Variants in RPS6KC1 observed in about 807,000 individuals in gnomAD.
RPS6KC1 encodes the protein ribosomal protein S6 kinase C1.
A neutral mutation model predicts 103.8 loss-of-function variants in RPS6KC1; 54 were observed. The ratio of observed to expected loss-of-function variants is 0.52; its 90% CI spans 0.42 to 0.65. The LOEUF is 0.65. Ranked by LOEUF, RPS6KC1 falls within the 30% of genes least tolerant of loss-of-function variation. The pLI is 0.00. For synonymous variants in RPS6KC1, 439 were observed against 438.7 expected (o/e 1.00, Z -0.01); for missense variants, 1,151 against 1,253.8 (o/e 0.92, Z 1.24).
the RPS6KC1 span, among the ~76,000 whole-genome samples, chr1:213,327,178 G>T: frequency 6.6e-6 from 1 of 151,256 alleles, no homozygotes; most frequent in Non-Finnish European, 1.5e-5. Flanking sequence ...GGGGGTGTGA[G>T]CCCTAGACTG....
At chr1:213,819,031 A>C in the RPS6KC1 span, 1 of 152,198 alleles carries the variant, frequency 6.6e-6, no homozygotes, top group Admixed American at 6.5e-5. Context: ...AATACCAAAT[A>C]CATTTGTTGA....
At chr1:213,155,029 G>A (rs2089707206) in intron 6 of RPS6KC1, among the ~76,000 whole-genome samples, 1 of 152,196 alleles carries the variant, frequency 6.6e-6, no homozygotes, top group Non-Finnish European at 1.5e-5. Flanking sequence ...TTCTGGCTCA[G>A]GGTGTGTATA....
the RPS6KC1 span, among the ~76,000 whole-genome samples, chr1:213,723,041 A>G: frequency 1.3e-5 from 2 of 152,102 alleles, no homozygotes; most frequent in South Asian, 4.1e-4. Context: ...TTAGCCAGGC[A>G]TGGTGGCAGG....
At chr1:213,240,632 C>A in intron 10 of RPS6KC1, 70 bp from the exon 11 acceptor site, 1 of 1,330,230 alleles carries the variant, frequency 7.5e-7, no homozygotes, top group Non-Finnish European at 1.0e-6. Context: ...TTTTGTTTTT[C>A]TAATGGCTTA....
At chr1:213,602,295 C>G in the RPS6KC1 span, among the ~76,000 whole-genome samples, 1 of 141,830 alleles carries the variant, frequency 7.1e-6, no homozygotes, top group Admixed American at 7.3e-5. Context: ...CGCTCTGTCA[C>G]CCAGGCTGGC....
chr1:213,699,654 A>G, the RPS6KC1 span, among the ~76,000 whole-genome samples: 2 of 152,058 alleles, frequency 1.3e-5, no homozygotes, highest in Non-Finnish European at 2.9e-5. Context: ...ACTAATTTAC[A>G]TTTCCACCAA....
At chr1:213,599,749 T>C in the RPS6KC1 span, among the ~76,000 whole-genome samples, 1 of 152,334 alleles carries the variant, frequency 6.6e-6, no homozygotes, top group Admixed American at 6.5e-5. Flanking sequence ...TCGAAGGGCA[T>C]GGTGAAGAAA....
chr1:213,720,269 T>C, the RPS6KC1 span, among the ~76,000 whole-genome samples: 2 of 151,990 alleles, frequency 1.3e-5, no homozygotes, highest in Admixed American at 1.3e-4. Context: ...GGTCTGGGAG[T>C]GTTTAAGGAC....
At chr1:213,397,420 A>T in the RPS6KC1 span, among the ~76,000 whole-genome samples, 70 of 151,784 alleles carry the variant, frequency 4.6e-4, no homozygotes, top group East Asian at 2.3e-3. Context: ...CCTAGTTAAA[A>T]TTTTTTTTGC....
chr1:213,389,328 T>C, the RPS6KC1 span, among the ~76,000 whole-genome samples: 1,089 of 152,284 alleles, frequency 7.2e-3, 10 homozygotes, highest in African/African-American at 0.025. Flanking sequence ...AAAAAGGTCT[T>C]ATATTCCTGC....
the RPS6KC1 span, among the ~76,000 whole-genome samples, chr1:213,440,618 A>T: frequency 7.1e-6 from 1 of 141,418 alleles, no homozygotes; most frequent in Non-Finnish European, 1.6e-5. Context: ...AAAAAAAAGA[A>T]CTCTATTATC....
At chr1:213,686,827 T>A in the RPS6KC1 span, among the ~76,000 whole-genome samples, 2 of 152,200 alleles carry the variant, frequency 1.3e-5, no homozygotes, top group South Asian at 2.1e-4. Flanking sequence ...TTGGCTATTT[T>A]TATGGTTATT....
At chr1:213,511,009 C>T in the RPS6KC1 span, among the ~76,000 whole-genome samples, 1 of 151,944 alleles carries the variant, frequency 6.6e-6, no homozygotes, top group African/African-American at 2.4e-5. Flanking sequence ...GAGGGGTTTC[C>T]AAAATAGGAG....
chr1:213,460,925 C>T, the RPS6KC1 span, among the ~76,000 whole-genome samples: 1 of 152,212 alleles, frequency 6.6e-6, no homozygotes, highest in South Asian at 2.1e-4. Flanking sequence ...CCCCCACTCC[C>T]TTCTGGCATG....
At chr1:213,563,295 A>G in the RPS6KC1 span, among the ~76,000 whole-genome samples, 3 of 152,056 alleles carry the variant, frequency 2.0e-5, no homozygotes, top group Non-Finnish European at 2.9e-5. Flanking sequence ...CAGTTGATAT[A>G]TATCTTTTAT....
chr1:213,227,806 A>G (rs567713025), intron 8 of RPS6KC1, among the ~76,000 whole-genome samples: 93 of 152,230 alleles, frequency 6.1e-4, no homozygotes, highest in Middle Eastern at 3.4e-3. Flanking sequence ...CAGCCTTATC[A>G]TTTCTGTGCT....
the RPS6KC1 span, among the ~76,000 whole-genome samples, chr1:213,835,638 T>C: frequency 6.6e-6 from 1 of 152,208 alleles, no homozygotes; most frequent in Non-Finnish European, 1.5e-5. Context: ...GAGATCCTTT[T>C]CTCCAGGTAT....
At chr1:213,428,507 TTC>T in the RPS6KC1 span, among the ~76,000 whole-genome samples, 1 of 68,584 alleles carries the variant, frequency 1.5e-5, no homozygotes, top group African/African-American at 4.8e-5. Flanking sequence ...CCTTCCTTCC[TTC>T]CTTCCTTCCT....
chr1:213,657,418 G>T, the RPS6KC1 span, among the ~76,000 whole-genome samples: 1 of 151,946 alleles, frequency 6.6e-6, no homozygotes, highest in Non-Finnish European at 1.5e-5. Context: ...AAAAGAGGTA[G>T]ATGTAGCTAA....
Sources: allele counts gnomAD v4.1 joint callset (sites outside exome capture counted in the v4.1 genomes callset), GRCh38; gene constraint gnomAD v4.1.1; transcripts MANE v1.5; gene names NCBI Gene and HGNC (gene_info 2026-07-23, HGNC 2026-07-21).